DAB1: variants seen among roughly 807,000 people sequenced by gnomAD.
The protein encoded by DAB1 is disabled homolog 1.
Under a neutral mutation model 64.6 loss-of-function variants are expected in DAB1, and 15 were observed. The observed-to-expected ratio is 0.23, with a 90% CI of 0.16 to 0.36. The LOEUF is 0.36. Ranked by LOEUF, DAB1 falls within the 10% of genes least tolerant of loss-of-function variation. The probability of loss-of-function intolerance (pLI) is 1.00; values close to 1 mark genes in which losing one functional copy is unlikely to be tolerated. For missense variants in DAB1, 596 were observed against 706.7 expected (o/e 0.84, Z 1.78); for synonymous variants, 235 against 251.9 (o/e 0.93, Z 0.64).
intron 7 of DAB1, among the ~76,000 whole-genome samples, chr1:57,445,927 TA>T (rs1686120266): frequency 6.6e-6 from 1 of 152,246 alleles, no homozygotes; most frequent in Admixed American, 6.5e-5. Flanking sequence ...AAACTGCATC[TA>T]TTTCTATCAG....
intron 5 of DAB1, chr1:58,074,525 T>TATATATATATATATATATATACACAC (rs1649477980): frequency 1.9e-5 from 2 of 104,732 alleles, no homozygotes; most frequent in Non-Finnish European, 3.7e-5. Flanking sequence ...TATATATACA[T>TATATATATATATATATATATACACAC]ATATATATAT....
chr1:57,452,445 C>T (rs1352481093), intron 7 of DAB1, among the ~76,000 whole-genome samples: 1 of 151,998 alleles, frequency 6.6e-6, no homozygotes, highest in South Asian at 2.1e-4. Context: ...CCAGGACAGA[C>T]AAGTTATCAA....
At chr1:57,875,756 AT>A (rs2101963133) in intron 1 of DAB1, among the ~76,000 whole-genome samples, 1 of 152,324 alleles carries the variant, frequency 6.6e-6, no homozygotes, top group African/African-American at 2.4e-5. Flanking sequence ...TCTGAAGGGA[AT>A]TCTCCAAGCC....
intron 2 of DAB1, among the ~76,000 whole-genome samples, chr1:58,521,217 C>T (rs56381640): frequency 5.3e-5 from 8 of 151,724 alleles, no homozygotes; most frequent in South Asian, 2.1e-4. Context: ...GAAACCACAG[C>T]GAAAACAAGA....
chr1:58,513,677 T>C (rs1209061900), intron 2 of DAB1, among the ~76,000 whole-genome samples: 1 of 152,212 alleles, frequency 6.6e-6, no homozygotes, highest in Non-Finnish European at 1.5e-5. Flanking sequence ...GGGTTCAAAA[T>C]ACTGATTATT....
rs144169046 is a variant in DAB1, at chr1:57,938,873, C to A, written n.388-54711G>T. 3.4e-3 allele frequency among the ~76,000 whole-genome samples: 522 copies of A among 152,084 alleles called. 5 individuals are homozygous for A. The highest frequency in any genetic ancestry group is 0.012 in the African/African-American group (498 of 41,478). On this transcript the variant is annotated intron_variant and non_coding_transcript_variant, in intron 5 of 20. Coordinates refer to the DAB1 transcript ENST00000485760. Reference sequence around the variant, plus strand: ...CCTCTTCTGGGGACTCCTGGACTCTCCTCTTGTACCAACTGCTTCTCTTCT... The same window carrying A: ...CCTCTTCTGGGGACTCCTGGACTCTACTCTTGTACCAACTGCTTCTCTTCT...
Position 58,126,545 on chromosome 1 carries a change from C to T in DAB1, n.387+23966G>A, listed in dbSNP as rs1387406336. Among the ~76,000 whole-genome samples, 12 of 151,016 alleles carry T rather than the reference C, an allele frequency of 7.9e-5. No homozygotes were observed. In the South Asian group the frequency reaches 1.0e-3, roughly 13 times the overall value. On this transcript the variant is annotated intron_variant and non_coding_transcript_variant, in intron 5 of 20. Coordinates refer to the DAB1 transcript ENST00000485760. ...TATGTATACATGTGCCATGCTGGTG[C>T]GCTGCACCCACTAACTCGTCATCTA...
intron 5 of DAB1, chr1:58,048,294 C>CA: frequency 8.0e-7 from 1 of 1,253,586 alleles, no homozygotes; most frequent in Non-Finnish European, 1.2e-6. Context: ...CTTCTGCCTC[C>CA]AAAATCTCCC....
At chr1:57,481,407 A>G (rs1263504719) in intron 7 of DAB1, among the ~76,000 whole-genome samples, 1 of 152,166 alleles carries the variant, frequency 6.6e-6, no homozygotes, top group African/African-American at 2.4e-5. Flanking sequence ...TTACTCCAAG[A>G]ATTTTATTCA....
chr1:57,077,481 C>A (rs1256130372), intron 4 of DAB1, among the ~76,000 whole-genome samples: 2 of 152,158 alleles, frequency 1.3e-5, no homozygotes, highest in South Asian at 2.1e-4. Flanking sequence ...TTAAGATAAG[C>A]CCTACATATG....
intron 2 of DAB1, among the ~76,000 whole-genome samples, chr1:58,515,641 G>A (rs1646147426): frequency 6.6e-6 from 1 of 152,096 alleles, no homozygotes; most frequent in South Asian, 2.1e-4. Flanking sequence ...CTTACTTACT[G>A]ATTCTTTTCT....
chr1:58,422,478 C>T (rs183834537), intron 3 of DAB1, among the ~76,000 whole-genome samples: 13 of 152,100 alleles, frequency 8.5e-5, no homozygotes, highest in African/African-American at 3.1e-4. Context: ...CTCCCAAAGC[C>T]ACATCACAGG....
chr1:58,114,689 A>C (rs1209304747), intron 5 of DAB1, among the ~76,000 whole-genome samples: 1 of 152,204 alleles, frequency 6.6e-6, no homozygotes. Flanking sequence ...CATACTATTG[A>C]TCCTTTGCTG....
At chr1:57,385,342 T>C (rs12404869) in intron 1 of DAB1, among the ~76,000 whole-genome samples, 3,099 of 152,314 alleles carry the variant, frequency 0.02, 42 homozygotes, top group South Asian at 0.042. Flanking sequence ...GAGAACTTCA[T>C]AGGCATATGC....
At position 57,668,841 on chromosome 1, in the gene DAB1, T is replaced by C. The variant is rs116647410; in HGVS notation, n.552-19176A>G. ...GATCCCTGAAGAGTTTTTGGACTTA[T>C]TATTTGGGGTGTGAGAACTCTATTA... is the stretch of plus-strand genomic sequence containing the variant. On this transcript the variant is annotated intron_variant and non_coding_transcript_variant, in intron 6 of 20. Coordinates refer to the DAB1 transcript ENST00000485760. Among the ~76,000 whole-genome samples the C allele has an allele frequency of 3.4e-3, 518 of 152,242 alleles. 1 individual carries two copies. The highest frequency in any genetic ancestry group is 0.014 in the Middle Eastern group (4 of 294).
At chr1:57,367,064 A>AAAATAAAAT (rs1491171065) in intron 1 of DAB1, among the ~76,000 whole-genome samples, 4 of 70,378 alleles carry the variant, frequency 5.7e-5, no homozygotes, top group Admixed American at 1.4e-4. Flanking sequence ...AAAATAAAAT[A>AAAATAAAAT]AAATAAAATA....
chr1:58,425,403 G>A (rs1011869569), intron 3 of DAB1, among the ~76,000 whole-genome samples: 1 of 152,234 alleles, frequency 6.6e-6, no homozygotes, highest in African/African-American at 2.4e-5. Context: ...CTAGCTTTGT[G>A]TGCCAGTGCC....
chr1:57,893,684 A>G (rs573879242), intron 5 of DAB1, among the ~76,000 whole-genome samples: 1 of 152,304 alleles, frequency 6.6e-6, no homozygotes, highest in Admixed American at 6.5e-5. Context: ...GTAGCTAGTC[A>G]GACATAAACA....
At chr1:57,383,836 T>C (rs1382072448) in intron 1 of DAB1, among the ~76,000 whole-genome samples, 1 of 152,156 alleles carries the variant, frequency 6.6e-6, no homozygotes, top group Non-Finnish European at 1.5e-5. Context: ...AGTTTCACAA[T>C]ACTGAATTTA....
Sources: gnomAD v4.1 joint callset for allele counts (sites outside exome capture counted in the v4.1 genomes callset) on GRCh38, gnomAD v4.1.1 for gene constraint, MANE v1.5 for transcripts, NCBI Gene and HGNC (gene_info 2026-07-23, HGNC 2026-07-21) for gene names.